FSTL5: variants seen among roughly 807,000 people sequenced by gnomAD.
The protein encoded by FSTL5 is follistatin like 5, also known as follistatin-related protein 5.
A neutral mutation model predicts 89.1 loss-of-function variants in FSTL5; 62 were observed. The ratio of observed to expected loss-of-function variants is 0.70; its 90% CI spans 0.57 to 0.86. The LOEUF (loss-of-function observed/expected upper bound fraction) is 0.86, where lower values mean the gene tolerates loss of function less well. Among genes scored for constraint, FSTL5 ranks in the 40% least tolerant of loss-of-function variants. The pLI is 0.00. For synonymous variants in FSTL5, 383 were observed against 346.2 expected (o/e 1.11, Z -1.18); for missense variants, 1,057 against 1,001.6 (o/e 1.06, Z -0.75).
intron 8 of FSTL5, among the ~76,000 whole-genome samples, chr4:161,545,805 T>G (rs990516428): frequency 6.6e-6 from 1 of 151,958 alleles, no homozygotes; most frequent in Non-Finnish European, 1.5e-5. Flanking sequence ...GAACCTATTA[T>G]CTTTATAATT....
chr4:161,852,311 C>G (rs1181525551), intron 4 of FSTL5, among the ~76,000 whole-genome samples: 1 of 151,926 alleles, frequency 6.6e-6, no homozygotes, highest in Non-Finnish European at 1.5e-5. Flanking sequence ...AAATAAATAA[C>G]AAAAATTCAA....
chr4:161,813,898 A>C (rs1049672626), intron 4 of FSTL5, among the ~76,000 whole-genome samples: 4 of 152,180 alleles, frequency 2.6e-5, no homozygotes, highest in African/African-American at 9.6e-5. Flanking sequence ...TCTTTTTAAA[A>C]TTTTATTTAA....
intron 4 of FSTL5, among the ~76,000 whole-genome samples, chr4:161,835,445 T>A (rs1731005851): frequency 6.6e-6 from 1 of 151,808 alleles, no homozygotes; most frequent in African/African-American, 2.4e-5. Context: ...AAGCCAAAAT[T>A]GACAAATGGG....
At chr4:161,693,861 A>G (rs1402335058) in intron 6 of FSTL5, among the ~76,000 whole-genome samples, 1 of 151,788 alleles carries the variant, frequency 6.6e-6, no homozygotes, top group Non-Finnish European at 1.5e-5. Flanking sequence ...GATGGTCTCG[A>G]TCTCCTGACC....
At chr4:161,835,756 A>C (rs1235483556) in intron 4 of FSTL5, among the ~76,000 whole-genome samples, 2 of 152,246 alleles carry the variant, frequency 1.3e-5, no homozygotes, top group Non-Finnish European at 2.9e-5. Context: ...ACAATGGGAT[A>C]CCATCCCACA....
At chr4:161,905,168 T>C (rs548076344) in intron 4 of FSTL5, among the ~76,000 whole-genome samples, 1 of 152,258 alleles carries the variant, frequency 6.6e-6, no homozygotes, top group Admixed American at 6.5e-5. Context: ...AATTCTCATT[T>C]TGTTAAATAA....
At chr4:161,686,582 G>A (rs1016733579) in intron 6 of FSTL5, among the ~76,000 whole-genome samples, 5 of 150,706 alleles carry the variant, frequency 3.3e-5, no homozygotes, top group Non-Finnish European at 2.9e-5. Flanking sequence ...GGACGGTCTC[G>A]ATCTCCTGAC....
At chr4:161,886,639 C>T (rs528393715) in intron 4 of FSTL5, among the ~76,000 whole-genome samples, 11 of 152,254 alleles carry the variant, frequency 7.2e-5, no homozygotes, top group Non-Finnish European at 1.0e-4. Context: ...ACAACAGCAA[C>T]GGATTTCATT....
chr4:161,661,705 G>A (rs1020211226), intron 6 of FSTL5, among the ~76,000 whole-genome samples: 2 of 152,014 alleles, frequency 1.3e-5, no homozygotes, highest in Non-Finnish European at 2.9e-5. Flanking sequence ...TAGAATCTTC[G>A]AGACTAAATG....
intron 6 of FSTL5, among the ~76,000 whole-genome samples, chr4:161,737,413 C>T (rs780812122): frequency 2.0e-5 from 3 of 151,940 alleles, no homozygotes; most frequent in South Asian, 2.1e-4. Flanking sequence ...GGAAGGATCA[C>T]GTAATGTGGG....
At chr4:161,613,600 A>G (rs1355292344) in intron 7 of FSTL5, among the ~76,000 whole-genome samples, 1 of 152,140 alleles carries the variant, frequency 6.6e-6, no homozygotes, top group African/African-American at 2.4e-5. Context: ...GAAGAAAAAA[A>G]TCTCCAATGA....
chr4:161,758,284 A>G (rs180746927), intron 6 of FSTL5, among the ~76,000 whole-genome samples: 2,313 of 152,244 alleles, frequency 0.015, 26 homozygotes, highest in Middle Eastern at 0.048. Flanking sequence ...GCATAATTCA[A>G]AAAAGACCTT....
At chr4:161,905,526 T>C in intron 4 of FSTL5, among the ~76,000 whole-genome samples, 1 of 113,848 alleles carries the variant, frequency 8.8e-6, no homozygotes, top group East Asian at 2.5e-4. Context: ...TATTTATTTA[T>C]TTGCTTAGAA....
At chr4:161,626,273 C>A (rs1433948746) in intron 7 of FSTL5, among the ~76,000 whole-genome samples, 1 of 152,136 alleles carries the variant, frequency 6.6e-6, no homozygotes, top group Non-Finnish European at 1.5e-5. Context: ...CAGGCCGATT[C>A]TCTTGTTAAG....
intron 4 of FSTL5, among the ~76,000 whole-genome samples, chr4:161,836,593 G>A (rs545686292): frequency 1.5e-4 from 23 of 152,114 alleles, no homozygotes; most frequent in African/African-American, 5.1e-4. Context: ...GCTCTTGCAT[G>A]CTCTTTTAAG....
chr4:161,967,414 T>A (rs867283811), intron 3 of FSTL5, among the ~76,000 whole-genome samples: 3 of 147,412 alleles, frequency 2.0e-5, no homozygotes, highest in Admixed American at 1.3e-4. Flanking sequence ...TAGAAAAAAA[T>A]TAAAAGAAGA....
In FSTL5 at chr4:161,455,006, C is replaced by T. The variant is rs867540713; in HGVS notation, c.1839G>A (p.Met613Ile). The part of the protein sequence containing the change: ...IPTTTLIITH[M>I]RFGFILHKDE... ...TGATCACTCAACTTAGCACTTACCTCATATGGGTGATAATGAGTGTTGTGG... is the reference window on the plus strand; with the variant it reads ...TGATCACTCAACTTAGCACTTACCTTATATGGGTGATAATGAGTGTTGTGG... The change falls in exon 15 of 16, where the codon ATG (methionine) becomes ATA (isoleucine). Residue 613 changes from methionine (M) to isoleucine (I), a missense_variant and splice_region_variant. Around this residue, in one of 3 missense-constraint regions of FSTL5, gnomAD observed 980 missense variants for 903.2 expected, o/e 1.08. Transcript: ENST00000306100. 1 of 1,613,194 alleles carries T rather than the reference C, an allele frequency of 6.2e-7. No homozygotes were observed. The highest frequency in any genetic ancestry group is 8.5e-7 in the Non-Finnish European group (1 of 1,179,510).
At chr4:161,802,705 G>T (rs1386893024) in intron 4 of FSTL5, among the ~76,000 whole-genome samples, 1 of 151,524 alleles carries the variant, frequency 6.6e-6, no homozygotes, top group Middle Eastern at 3.2e-3. Flanking sequence ...AAGAGACAAA[G>T]AATATTTATG....
intron 10 of FSTL5, among the ~76,000 whole-genome samples, chr4:161,537,560 A>G: frequency 6.6e-6 from 1 of 152,230 alleles, no homozygotes; most frequent in East Asian, 1.9e-4. Context: ...TAATTAAACA[A>G]AATAAAAGAG....
Sources: gnomAD v4.1 joint callset for allele counts (sites outside exome capture counted in the v4.1 genomes callset) on GRCh38, gnomAD v4.1.1 for gene constraint, gnomAD v4.1.1 regional missense constraint, MANE v1.5 for transcripts, NCBI Gene and HGNC (gene_info 2026-07-23, HGNC 2026-07-21) for gene names.